Variants in SLC35F4 observed in about 807,000 individuals in gnomAD.
The protein encoded by SLC35F4 is chromosome 14 open reading frame 36.
Under a neutral mutation model 44.2 loss-of-function variants are expected in SLC35F4, and 24 were observed. That is an observed-to-expected ratio of 0.54 (90% CI 0.39 to 0.76). The LOEUF (loss-of-function observed/expected upper bound fraction) is 0.76. SLC35F4 is among the 30% of genes least tolerant of loss of function. The pLI is 0.00. For missense variants in SLC35F4, 562 were observed against 586.1 expected, an observed-to-expected ratio of 0.96 and a Z score of 0.42; for synonymous variants, 238 against 223.6, an observed-to-expected ratio of 1.06 and a Z score of -0.57.
At chr14:57,758,616 C>T (rs941481059) in intron 1 of SLC35F4, among the ~76,000 whole-genome samples, 1 of 151,974 alleles carries the variant, frequency 6.6e-6, no homozygotes, top group Non-Finnish European at 1.5e-5. Flanking sequence ...TCCTTGTCTG[C>T]TAATTCTAAT....
At chr14:57,958,360 T>C (rs1174698168) in intron 1 of SLC35F4, among the ~76,000 whole-genome samples, 33 of 152,192 alleles carry the variant, frequency 2.2e-4, no homozygotes, top group Non-Finnish European at 2.9e-5. Flanking sequence ...GCCAGGCAAT[T>C]AGATGAATGT....
intron 1 of SLC35F4, among the ~76,000 whole-genome samples, chr14:57,936,946 G>A (rs1424864248): frequency 5.3e-5 from 8 of 152,114 alleles, no homozygotes; most frequent in Admixed American, 5.2e-4. Flanking sequence ...CCATATTGGT[G>A]TATGATGAAA....
intron 1 of SLC35F4, among the ~76,000 whole-genome samples, chr14:57,732,812 C>T (rs1333718503): frequency 6.6e-6 from 1 of 152,102 alleles, no homozygotes; most frequent in African/African-American, 2.4e-5. Context: ...TTCATACAAG[C>T]AGATAGAAGC....
chr14:57,580,526 G>T, intron 4 of SLC35F4: 1 of 392,966 alleles, frequency 2.5e-6, no homozygotes, highest in South Asian at 1.9e-5. Flanking sequence ...AAATCTTCAG[G>T]GCTTCCCAGC....
intron 2 of SLC35F4, among the ~76,000 whole-genome samples, chr14:57,591,808 CA>C (rs2070200631): frequency 6.6e-6 from 1 of 152,228 alleles, no homozygotes; most frequent in Admixed American, 6.5e-5. Flanking sequence ...TACTACACTT[CA>C]GATCTCATGA....
At chr14:57,667,806 G>A (rs1465621905) in intron 1 of SLC35F4, among the ~76,000 whole-genome samples, 1 of 151,668 alleles carries the variant, frequency 6.6e-6, no homozygotes. Context: ...CAGTGCATGT[G>A]TCTTTATAGC....
At chr14:57,624,992 A>G (rs1163651922) in intron 1 of SLC35F4, among the ~76,000 whole-genome samples, 1 of 152,158 alleles carries the variant, frequency 6.6e-6, no homozygotes, top group Non-Finnish European at 1.5e-5. Flanking sequence ...TGGTATTCCA[A>G]TAGAAAAAGA....
At chr14:57,798,283 G>A (rs2078104414) in intron 1 of SLC35F4, among the ~76,000 whole-genome samples, 1 of 152,036 alleles carries the variant, frequency 6.6e-6, no homozygotes, top group Non-Finnish European at 1.5e-5. Context: ...TAAACACCTA[G>A]GTAGGTATCA....
intron 3 of SLC35F4, among the ~76,000 whole-genome samples, chr14:57,583,727 CTGT>C (rs1448490814): frequency 2.6e-5 from 4 of 152,076 alleles, no homozygotes; most frequent in East Asian, 1.9e-4. Flanking sequence ...CCCTTTGTTA[CTGT>C]TGTTGTAGAA....
At chr14:57,635,494 T>C (rs1258706454) in intron 1 of SLC35F4, among the ~76,000 whole-genome samples, 1 of 151,970 alleles carries the variant, frequency 6.6e-6, no homozygotes, top group African/African-American at 2.4e-5. Context: ...AACACTGGGC[T>C]AGAGAAATAT....
In SLC35F4 at chr14:57,681,707, C is replaced by A. The variant is rs2074909820; in HGVS notation, c.104-87583G>T. 2.0e-5 allele frequency among the ~76,000 whole-genome samples: 3 copies of A among 152,146 alleles called. No individual in the cohort carries two copies. In the South Asian group the frequency reaches 6.2e-4, roughly 32 times the overall value. On this transcript the variant is annotated intron_variant, in intron 1 of 7. Transcript: ENST00000556826. ...AGGACAAAAGTATCATCACAGTGAA[C>A]AGGAACCTACAGAATGGGAGAAAAT...
At chr14:57,919,543 G>C in intron 1 of SLC35F4, among the ~76,000 whole-genome samples, 1 of 152,202 alleles carries the variant, frequency 6.6e-6, no homozygotes, top group East Asian at 1.9e-4. Flanking sequence ...GGAAGAAAAA[G>C]CAGCTGTATT....
chr14:57,938,855 C>CA (rs567684586), intron 1 of SLC35F4, among the ~76,000 whole-genome samples: 52 of 151,710 alleles, frequency 3.4e-4, no homozygotes, highest in African/African-American at 1.3e-3. Flanking sequence ...AGAAGGGCTG[C>CA]AAAAAAAGAT....
chr14:57,682,194 A>G (rs915971822), intron 1 of SLC35F4, among the ~76,000 whole-genome samples: 1 of 152,188 alleles, frequency 6.6e-6, no homozygotes, highest in African/African-American at 2.4e-5. Context: ...ACACATGAAC[A>G]CGTATGTTTA....
intron 1 of SLC35F4, among the ~76,000 whole-genome samples, chr14:57,644,410 T>A (rs1413271930): frequency 6.6e-6 from 1 of 152,226 alleles, no homozygotes; most frequent in African/African-American, 2.4e-5. Flanking sequence ...GCAGCATAAA[T>A]ATCTTCTTTT....
intron 1 of SLC35F4, among the ~76,000 whole-genome samples, chr14:57,603,181 A>G (rs576261907): frequency 6.6e-6 from 1 of 152,378 alleles, no homozygotes; most frequent in Admixed American, 6.5e-5. Flanking sequence ...GATATGGATC[A>G]GCAGAAATAC....
intron 1 of SLC35F4, among the ~76,000 whole-genome samples, chr14:57,961,284 G>A (rs1470460122): frequency 1.3e-5 from 2 of 152,174 alleles, no homozygotes; most frequent in Non-Finnish European, 2.9e-5. Context: ...ACTGGGAGGT[G>A]TAGAATCCCA....
chr14:57,941,353 A>C (rs1030508828), intron 1 of SLC35F4, among the ~76,000 whole-genome samples: 3 of 152,252 alleles, frequency 2.0e-5, no homozygotes, highest in African/African-American at 7.2e-5. Context: ...ATTCAACAAT[A>C]AAAAGGAATG....
At chr14:57,869,085 T>C (rs1279535031), upstream of SLC35F4, among the ~76,000 whole-genome samples, 1 of 152,184 alleles carries the variant, frequency 6.6e-6, no homozygotes, top group Non-Finnish European at 1.5e-5. Context: ...GGTATCTATC[T>C]GTGATCCCAG....
Sources: allele counts gnomAD v4.1 joint callset (sites outside exome capture counted in the v4.1 genomes callset), GRCh38; gene constraint gnomAD v4.1.1; transcripts MANE v1.5; gene names NCBI Gene and HGNC (gene_info 2026-07-23, HGNC 2026-07-21).